The following CCDC3 variants were observed in gnomAD, a reference collection of about 807,000 sequenced individuals.
CCDC3 encodes coiled-coil domain-containing protein 3.
In CCDC3, 24 loss-of-function variants were observed where a neutral mutation model predicts 21.4. The ratio of observed to expected loss-of-function variants is 1.12; its 90% confidence interval spans 0.81 to 1.58. The LOEUF (loss-of-function observed/expected upper bound fraction) is 1.58, where lower values mean the gene tolerates loss of function less well. Ranked by LOEUF, CCDC3 falls within the 40% of genes most tolerant of loss-of-function variation. The pLI is 0.00. For missense variants in CCDC3, 425 were observed against 360.9 expected (o/e 1.18, Z -1.44); for synonymous variants, 186 against 166.0 (o/e 1.12, Z -0.93).
intron 2 of CCDC3, among the ~76,000 whole-genome samples, chr10:12,953,595 T>C (rs955569055): frequency 2.0e-5 from 3 of 152,182 alleles, no homozygotes; most frequent in East Asian, 1.9e-4. Flanking sequence ...TGTTTAAACA[T>C]GGGCAGAGTT....
intron 2 of CCDC3, among the ~76,000 whole-genome samples, chr10:12,906,671 G>A (rs1168020528): frequency 6.6e-6 from 1 of 152,192 alleles, no homozygotes; most frequent in Admixed American, 6.5e-5. Flanking sequence ...TCTTGCTTAA[G>A]TCAATGAACC....
At chr10:13,071,890 T>C (rs1289722615) in intron 4 of CCDC3, among the ~76,000 whole-genome samples, 1 of 152,084 alleles carries the variant, frequency 6.6e-6, no homozygotes, top group Non-Finnish European at 1.5e-5. Flanking sequence ...TTCAGTGATA[T>C]ATAATGGTGT....
chr10:12,995,150 A>G (rs1835741711), intron 2 of CCDC3, among the ~76,000 whole-genome samples: 1 of 152,058 alleles, frequency 6.6e-6, no homozygotes. Flanking sequence ...ACTCCAGGGT[A>G]TGTAAAAATA....
At chr10:12,937,187 G>A (rs1414309003) in intron 2 of CCDC3, among the ~76,000 whole-genome samples, 1 of 151,646 alleles carries the variant, frequency 6.6e-6, no homozygotes, top group Non-Finnish European at 1.5e-5. Context: ...TTCCTACCCT[G>A]ATACTGGTTC....
At chr10:13,033,673 T>C (rs1836335813) in intron 5 of CCDC3, among the ~76,000 whole-genome samples, 1 of 152,076 alleles carries the variant, frequency 6.6e-6, no homozygotes, top group Non-Finnish European at 1.5e-5. Flanking sequence ...CATCAAAAAG[T>C]GGGCAAAGGA....
chr10:12,917,159 G>C (rs1289376356), intron 2 of CCDC3, among the ~76,000 whole-genome samples: 1 of 148,610 alleles, frequency 6.7e-6, no homozygotes, highest in Non-Finnish European at 1.5e-5. Flanking sequence ...GGTGATGTTG[G>C]AAATGTCCTT....
intron 3 of CCDC3, among the ~76,000 whole-genome samples, chr10:13,088,179 A>C (rs955466820): frequency 6.6e-6 from 1 of 152,222 alleles, no homozygotes; most frequent in African/African-American, 2.4e-5. Flanking sequence ...TTATGTTAGC[A>C]AACTTAGATA....
chr10:13,029,724 T>C (rs932447362), intron 5 of CCDC3, among the ~76,000 whole-genome samples: 1 of 151,740 alleles, frequency 6.6e-6, no homozygotes, highest in African/African-American at 2.4e-5. Flanking sequence ...TTTGATCAAG[T>C]GGAAGAAAGG....
rs1836719741 is a variant in CCDC3, at chr10:13,059,108, C to G, written c.-269-9167G>C. Reference sequence around the variant, plus strand: ...TTTGGTGTTGTGCTCCCTCCCATACCGTAGACTTATTGCTGGCATACGCAC... The same window carrying G: ...TTTGGTGTTGTGCTCCCTCCCATACGGTAGACTTATTGCTGGCATACGCAC... On this transcript the variant is annotated intron_variant, in intron 4 of 6. Transcript: ENST00000378839. 2.6e-5 allele frequency among the ~76,000 whole-genome samples: 4 copies of G among 152,266 alleles called. No homozygotes were observed. In the South Asian group the frequency reaches 8.3e-4, roughly 32 times the overall value.
At chr10:13,024,604 G>A (rs915622579) in intron 5 of CCDC3, among the ~76,000 whole-genome samples, 1 of 152,126 alleles carries the variant, frequency 6.6e-6, no homozygotes, top group African/African-American at 2.4e-5. Context: ...AAACAATTGT[G>A]TTATCAAACA....
In CCDC3 at chr10:13,001,387, G is replaced by A. The variant is rs969470699; in HGVS notation, c.184C>T (p.Leu62=). ...TGGCCGGCGTGGTACTGCCAGGGCAGGTGGTTGTAGAGGCCGGGCGCCTCG... is the reference window on the plus strand; with the variant it reads ...TGGCCGGCGTGGTACTGCCAGGGCAAGTGGTTGTAGAGGCCGGGCGCCTCG... ...HPEAPGLYNH[L]PWQYHAGQGG... The change falls in exon 1 of 3, where the codon CTG becomes TTG. Residue 62 remains leucine (L), a synonymous_variant. Transcript: ENST00000378825. 14 of 1,585,092 alleles carry A rather than the reference G, an allele frequency of 8.8e-6. No homozygotes were observed. The highest frequency in any genetic ancestry group is 2.3e-5 in the East Asian group (1 of 43,596).
intron 5 of CCDC3, among the ~76,000 whole-genome samples, chr10:13,046,232 C>T (rs1836526138): frequency 6.6e-6 from 1 of 151,462 alleles, no homozygotes; most frequent in African/African-American, 2.4e-5. Flanking sequence ...ATAGTGAGAC[C>T]TCATCTCTAC....
chr10:13,093,647 A>T (rs937160278), intron 3 of CCDC3, among the ~76,000 whole-genome samples: 5 of 152,076 alleles, frequency 3.3e-5, no homozygotes, highest in Admixed American at 6.6e-5. Context: ...CTCACTGATG[A>T]AGAGGTCAAG....
rs377135652 is a variant in CCDC3, at chr10:12,932,075, G to C, written c.550-33396C>G. Among the ~76,000 whole-genome samples, 493 of 152,240 alleles carry C rather than the reference G, an allele frequency of 3.2e-3. 3 individuals carry two copies. The highest frequency in any genetic ancestry group is 0.011 in the African/African-American group (466 of 41,538). ...CCTATCCATAAACAAATCTCCATTT[G>C]TTTAGTTCTTTAATATCTTTCTTCA... is the stretch of plus-strand genomic sequence containing the variant. On this transcript the variant is annotated intron_variant, in intron 2 of 2. Coordinates refer to ENST00000378825, the MANE Select transcript of CCDC3 (RefSeq NM_031455.4).
chr10:12,935,612 CTTTTTTATTGGTTGTCCTAGAGT>C (rs1589012845), intron 2 of CCDC3, among the ~76,000 whole-genome samples: 1 of 151,580 alleles, frequency 6.6e-6, no homozygotes, highest in Non-Finnish European at 1.5e-5. Context: ...AACTTCAACT[CTTTTTTATTGGTTGTCCTAGAGT>C]TTACAGTATA....
rs193192348 is a variant in CCDC3 at position 13,090,236 on chromosome 10, G to A, written c.-503+8289C>T. ...CCCAAGTAGCTGGGACTACAGGTGC[G>A]TGCCACCATGCCTAGCTAATTTATT... On this transcript the variant is annotated intron_variant, in intron 3 of 6. Transcript: ENST00000378839. Among the ~76,000 whole-genome samples the A allele has an allele frequency of 1.8e-3, 264 of 149,872 alleles. 1 individual carries two copies. The highest frequency in any genetic ancestry group is 6.0e-3 in the African/African-American group (239 of 39,664).
At chr10:12,940,241 T>G (rs1192621109) in intron 2 of CCDC3, among the ~76,000 whole-genome samples, 1 of 147,174 alleles carries the variant, frequency 6.8e-6, no homozygotes, top group African/African-American at 2.4e-5. Context: ...TTTTTTTTTT[T>G]TTTTTTTTCC....
chr10:12,914,632 C>T (rs370722116), intron 2 of CCDC3, among the ~76,000 whole-genome samples: 3 of 149,690 alleles, frequency 2.0e-5, no homozygotes, highest in South Asian at 2.1e-4. Flanking sequence ...TGTGTAGAGC[C>T]GGGATTTTGC....
At chr10:13,006,098 CAT>C (rs1303703085), upstream of CCDC3, among the ~76,000 whole-genome samples, 1 of 152,108 alleles carries the variant, frequency 6.6e-6, no homozygotes, top group African/African-American at 2.4e-5. Flanking sequence ...ATCCATTCAT[CAT>C]ACTGTCATCC....
Sources: gnomAD v4.1 joint callset for allele counts (sites outside exome capture counted in the v4.1 genomes callset) on GRCh38, gnomAD v4.1.1 for gene constraint, MANE v1.5 for transcripts, NCBI Gene and HGNC (gene_info 2026-07-23, HGNC 2026-07-21) for gene names.